The following HS6ST3 variants were observed in gnomAD, a reference collection of about 807,000 sequenced individuals.
HS6ST3 encodes heparan-sulfate 6-O-sulfotransferase 3.
Under a neutral mutation model 36.7 loss-of-function variants are expected in HS6ST3, and 12 were observed. The observed-to-expected ratio is 0.33, with a 90% CI of 0.21 to 0.53. The LOEUF (loss-of-function observed/expected upper bound fraction) is 0.53, where lower values mean the gene tolerates loss of function less well. Ranked by LOEUF, HS6ST3 falls within the 20% of genes least tolerant of loss-of-function variation. The pLI, the probability that HS6ST3 is intolerant of heterozygous loss-of-function variation, is 0.95. For synonymous variants in HS6ST3, 240 were observed against 257.5 expected (o/e 0.93, Z 0.65); for missense variants, 584 against 640.9 (o/e 0.91, Z 0.96).
intron 1 of HS6ST3, among the ~76,000 whole-genome samples, chr13:96,243,617 G>A (rs1009904386): frequency 2.6e-5 from 4 of 152,120 alleles, no homozygotes; most frequent in East Asian, 1.9e-4. Context: ...ATTTAAATTC[G>A]TGAGCATCCT....
chr13:96,417,129 A>G lies in HS6ST3; in HGVS notation c.707+325560A>G, dbSNP rs541525832. Among the ~76,000 whole-genome samples, 4 of 152,280 alleles carry G rather than the reference A, an allele frequency of 2.6e-5. No homozygotes were observed. In the South Asian group the frequency reaches 8.3e-4, roughly 32 times the overall value. Reference sequence around the variant, plus strand: ...ACATTGGAAGAATTATTATCAGATAAGTGGACATGCTTCAGAATTTTATTT... The same window carrying G: ...ACATTGGAAGAATTATTATCAGATAGGTGGACATGCTTCAGAATTTTATTT... On this transcript the variant is annotated intron_variant, in intron 1 of 1. Transcript: ENST00000376705.
rs527901827 is a variant in HS6ST3, at chr13:96,678,624, A to G, written c.708-153866A>G. On this transcript the variant is annotated intron_variant, in intron 1 of 1. Transcript: ENST00000376705. Reference sequence around the variant, plus strand: ...AGGAGGCAGAGGCTGCAGTGAGCCAAGATCGCACCACTGCACTCCAGCCTG... The same window carrying G: ...AGGAGGCAGAGGCTGCAGTGAGCCAGGATCGCACCACTGCACTCCAGCCTG... Among the ~76,000 whole-genome samples the G allele has an allele frequency of 2.0e-4, 31 of 152,190 alleles. No homozygotes were observed. In the South Asian group the frequency reaches 6.4e-3, roughly 32 times the overall value.
intron 1 of HS6ST3, among the ~76,000 whole-genome samples, chr13:96,257,444 A>G (rs2054642508): frequency 2.0e-5 from 3 of 152,164 alleles, no homozygotes; most frequent in African/African-American, 7.2e-5. Context: ...GAGGCAGCCT[A>G]CCTGGAAATT....
chr13:96,757,981 G>A (rs1359641727), intron 1 of HS6ST3, among the ~76,000 whole-genome samples: 1 of 151,940 alleles, frequency 6.6e-6, no homozygotes, highest in Admixed American at 6.6e-5. Context: ...ATGTAGAGGT[G>A]TACATATTTT....
At chr13:96,388,626 G>C (rs2055380341) in intron 1 of HS6ST3, among the ~76,000 whole-genome samples, 1 of 152,162 alleles carries the variant, frequency 6.6e-6, no homozygotes, top group African/African-American at 2.4e-5. Context: ...TTTCCTACCT[G>C]ATATGGTTTG....
At chr13:96,520,834 T>G (rs1024339356) in intron 1 of HS6ST3, among the ~76,000 whole-genome samples, 4 of 152,218 alleles carry the variant, frequency 2.6e-5, no homozygotes, top group Non-Finnish European at 5.9e-5. Flanking sequence ...TGAATATCCT[T>G]TATTGCTTTC....
At chr13:96,700,306 A>G (rs1019279228) in intron 1 of HS6ST3, among the ~76,000 whole-genome samples, 2 of 152,160 alleles carry the variant, frequency 1.3e-5, no homozygotes, top group African/African-American at 4.8e-5. Flanking sequence ...AAACTATCAC[A>G]TCTCGTGAGA....
chr13:96,434,409 T>C (rs1248973804), intron 1 of HS6ST3, among the ~76,000 whole-genome samples: 1 of 152,202 alleles, frequency 6.6e-6, no homozygotes, highest in Non-Finnish European at 1.5e-5. Flanking sequence ...ATTCCCTTCC[T>C]TCCTTGACTG....
At chr13:96,713,607 A>G (rs1457869078) in intron 1 of HS6ST3, among the ~76,000 whole-genome samples, 1 of 152,186 alleles carries the variant, frequency 6.6e-6, no homozygotes, top group South Asian at 2.1e-4. Flanking sequence ...TTTTCAAGGC[A>G]TGTGCATTCA....
chr13:96,333,126 G>A (rs1201264078), intron 1 of HS6ST3, among the ~76,000 whole-genome samples: 1 of 152,192 alleles, frequency 6.6e-6, no homozygotes, highest in Non-Finnish European at 1.5e-5. Flanking sequence ...CAGTGCGAAT[G>A]GACCAAGACA....
At chr13:96,249,549 G>C (rs1232772172) in intron 1 of HS6ST3, among the ~76,000 whole-genome samples, 1 of 152,270 alleles carries the variant, frequency 6.6e-6, no homozygotes, top group East Asian at 1.9e-4. Flanking sequence ...TGTAAGGACA[G>C]GGTAGTTTGC....
At chr13:96,332,431 C>T (rs1171082859) in intron 1 of HS6ST3, among the ~76,000 whole-genome samples, 1 of 152,164 alleles carries the variant, frequency 6.6e-6, no homozygotes, top group African/African-American at 2.4e-5. Flanking sequence ...CTGTAAAACT[C>T]TAACAATCTG....
chr13:96,142,013 G>A (rs1259758334), intron 1 of HS6ST3, among the ~76,000 whole-genome samples: 2 of 121,032 alleles, frequency 1.7e-5, no homozygotes, highest in African/African-American at 6.5e-5. Context: ...AAGAAATCAT[G>A]AAAGTGATTG....
chr13:96,289,769 T>C (rs559455774), intron 1 of HS6ST3, among the ~76,000 whole-genome samples: 30 of 152,114 alleles, frequency 2.0e-4, no homozygotes, highest in Admixed American at 1.2e-3. Context: ...TGGCCATAGC[T>C]TGAGAGGATA....
intron 1 of HS6ST3, among the ~76,000 whole-genome samples, chr13:96,331,127 A>T (rs536098940): frequency 2.0e-5 from 3 of 152,158 alleles, no homozygotes; most frequent in African/African-American, 7.2e-5. Flanking sequence ...CTTTGGTTTG[A>T]ATGTCCTCCC....
intron 1 of HS6ST3, among the ~76,000 whole-genome samples, chr13:96,097,552 A>G (rs2053797501): frequency 1.3e-5 from 2 of 152,098 alleles, no homozygotes; most frequent in Middle Eastern, 3.4e-3. Context: ...GATTGTGGAT[A>G]TCATTTATAA....
chr13:96,778,875 T>C (rs930136640), intron 1 of HS6ST3, among the ~76,000 whole-genome samples: 9 of 152,160 alleles, frequency 5.9e-5, no homozygotes, highest in Non-Finnish European at 1.2e-4. Context: ...CACACATATG[T>C]TTATTGCAGC....
intron 1 of HS6ST3, among the ~76,000 whole-genome samples, chr13:96,446,985 ACCTTTTTAATCTCC>A (rs1461427061): frequency 3.3e-5 from 5 of 151,850 alleles, no homozygotes; most frequent in African/African-American, 9.7e-5. Context: ...CTTTTCTTCT[ACCTTTTTAATCTCC>A]AACTTATCCG....
At chr13:96,418,692 G>T (rs891843749) in intron 1 of HS6ST3, among the ~76,000 whole-genome samples, 12 of 152,330 alleles carry the variant, frequency 7.9e-5, no homozygotes, top group Admixed American at 3.3e-4. Context: ...CAAATACTGA[G>T]CTGGAGAGGA....
Sources: allele counts gnomAD v4.1 joint callset (sites outside exome capture counted in the v4.1 genomes callset), GRCh38; gene constraint gnomAD v4.1.1; transcripts MANE v1.5; gene names NCBI Gene and HGNC (gene_info 2026-07-23, HGNC 2026-07-21).